The following ARHGEF28 variants were observed in gnomAD, a reference collection of about 807,000 sequenced individuals.
ARHGEF28 encodes 190 kDa guanine nucleotide exchange factor.
In ARHGEF28, 152 loss-of-function variants were observed where a neutral mutation model predicts 206.6. That is an observed-to-expected ratio of 0.74 (90% CI 0.64 to 0.84). ARHGEF28 has a LOEUF of 0.84. ARHGEF28 is among the 40% of genes least tolerant of loss of function. The pLI is 0.00. For missense variants in ARHGEF28, 2,028 were observed against 2,073.2 expected (o/e 0.98, Z 0.42); for synonymous variants, 763 against 776.4 (o/e 0.98, Z 0.29).
rs1053282629 is a variant in ARHGEF28, at chr5:73,852,710, A to G, written c.1790+18A>G. 6.2e-7 allele frequency: 1 copy of G among 1,612,174 alleles called. No individual in the cohort carries two copies. The highest frequency in any genetic ancestry group is 8.5e-7 in the Non-Finnish European group (1 of 1,178,414). On this transcript the variant is annotated intron_variant, in intron 14 of 35. Coordinates refer to ENST00000513042, the MANE Select transcript of ARHGEF28 (RefSeq NM_001177693.2). ...GAAAACAGGTACTTTTAACTATTCC[A>G]ATTTTCCTGAGGAACTGCATGATCC...
intron 25 of ARHGEF28, 114 bp from the exon 26 acceptor site, chr5:73,887,488 CA>C: frequency 1.3e-6 from 1 of 751,368 alleles, no homozygotes; most frequent in Non-Finnish European, 2.1e-6. Context: ...TATCATAATA[CA>C]GGTATTTTTA....
At chr5:73,702,731 TC>T (rs1748677952) in intron 2 of ARHGEF28, among the ~76,000 whole-genome samples, 1 of 152,190 alleles carries the variant, frequency 6.6e-6, no homozygotes, top group South Asian at 2.1e-4. Flanking sequence ...ATAATAGCCA[TC>T]CTGCTGAGTA....
chr5:73,867,673 C>A (rs1008528955), intron 18 of ARHGEF28, among the ~76,000 whole-genome samples: 4 of 152,260 alleles, frequency 2.6e-5, no homozygotes, highest in African/African-American at 7.2e-5. Flanking sequence ...AGCAGGCCTG[C>A]AGCATGGGTG....
intron 9 of ARHGEF28, among the ~76,000 whole-genome samples, chr5:73,809,467 C>T (rs1580648093): frequency 6.6e-6 from 1 of 152,126 alleles, no homozygotes. Flanking sequence ...TTATTTGAAC[C>T]CGGATATCTG....
intron 2 of ARHGEF28, among the ~76,000 whole-genome samples, chr5:73,699,715 G>A (rs553302797): frequency 6.6e-6 from 1 of 152,306 alleles, no homozygotes; most frequent in East Asian, 1.9e-4. Context: ...TATGGCTGTG[G>A]TTATTGAAAG....
rs1360282266 is a variant in ARHGEF28 at position 73,898,010 on chromosome 5, G to A, written c.3890G>A (p.Ser1297Asn). The A allele has an allele frequency of 2.5e-6, 4 of 1,605,824 alleles. No individual in the cohort carries two copies. The highest frequency in any genetic ancestry group is 3.4e-6 in the Non-Finnish European group (4 of 1,175,944). The change falls in exon 30 of 36, where the codon AGT becomes AAT. Residue 1297 changes from serine (S) to asparagine (N), a missense_variant. This residue lies in a region of ARHGEF28 where 803 missense variants were observed against 768.0 expected (regional missense o/e 1.05). Transcript: ENST00000513042. ...AAGGCCTCACAGATGGGCGCCGTGA[G>A]TCAATCATGTGAGGACAGTTGTGGA... ...AVKASQMGAV[S>N]QSCEDSCGDS...
intron 10 of ARHGEF28, among the ~76,000 whole-genome samples, chr5:73,837,611 A>G (rs1055868071): frequency 3.9e-5 from 6 of 151,928 alleles, no homozygotes; most frequent in African/African-American, 1.4e-4. Flanking sequence ...TTATGCTTTT[A>G]TATGTTCTCA....
intron 9 of ARHGEF28, among the ~76,000 whole-genome samples, chr5:73,815,448 C>A (rs905929729): frequency 6.6e-6 from 1 of 152,056 alleles, no homozygotes; most frequent in African/African-American, 2.4e-5. Flanking sequence ...AGGAGATACA[C>A]AAAGTCATTA....
chr5:73,857,510 C>T, intron 14 of ARHGEF28, 146 bp from the exon 15 acceptor site: 1 of 735,580 alleles, frequency 1.4e-6, no homozygotes, highest in Non-Finnish European at 2.1e-6. Flanking sequence ...AATTGTTTTT[C>T]TCTTTAGAAC....
chr5:73,749,748 C>A, intron 2 of ARHGEF28, 89 bp from the exon 3 acceptor site: 1 of 1,417,462 alleles, frequency 7.1e-7, no homozygotes, highest in Non-Finnish European at 9.7e-7. Flanking sequence ...TAACAAATGA[C>A]ACTGTTATGG....
chr5:73,679,640 C>T (rs1044689016), intron 1 of ARHGEF28, among the ~76,000 whole-genome samples: 1 of 148,952 alleles, frequency 6.7e-6, no homozygotes, highest in African/African-American at 2.5e-5. Context: ...TTTTGAAATA[C>T]ATTTTCTCTT....
At chr5:73,936,776 C>A (rs1764445799) in intron 35 of ARHGEF28, among the ~76,000 whole-genome samples, 1 of 152,132 alleles carries the variant, frequency 6.6e-6, no homozygotes, top group Admixed American at 6.5e-5. Flanking sequence ...CTATGTTGCC[C>A]AGGCTGGTCT....
intron 4 of ARHGEF28, among the ~76,000 whole-genome samples, chr5:73,764,507 G>A (rs1752789935): frequency 6.6e-6 from 1 of 152,210 alleles, no homozygotes; most frequent in African/African-American, 2.4e-5. Flanking sequence ...ACAGCACTAT[G>A]TGAATTTTCT....
At chr5:73,716,972 C>T (rs2112320956) in intron 2 of ARHGEF28, among the ~76,000 whole-genome samples, 1 of 152,146 alleles carries the variant, frequency 6.6e-6, no homozygotes, top group Non-Finnish European at 1.5e-5. Flanking sequence ...AAGGATACTG[C>T]TGCTTTTAGA....
chr5:73,909,475 G>A lies in ARHGEF28; in HGVS notation c.4225G>A (p.Gly1409Ser). The change falls in exon 34 of 36, where the codon GGC (glycine) becomes AGC (serine). Residue 1409 changes from glycine (G) to serine (S), a missense_variant. This residue lies in a region of ARHGEF28 where 803 missense variants were observed against 768.0 expected (regional missense o/e 1.05). Coordinates refer to ENST00000513042, the MANE Select transcript of ARHGEF28 (RefSeq NM_001177693.2). The stretch of plus-strand genomic sequence containing the variant: ...CAGGCTGGTTCTCCAGCAGCAGGAG[G>A]GCCTGTCTCTCGGCCACTCTATCCT... The part of the protein sequence containing the change: ...IHRLVLQQQE[G>S]LSLGHSILRG... The A allele has an allele frequency of 1.2e-6, 2 of 1,612,950 alleles. No homozygotes were observed. Among genetic ancestry groups the A allele is most frequent in the Non-Finnish European group, 8.5e-7 (1 of 1,179,686 alleles).
intron 2 of ARHGEF28, among the ~76,000 whole-genome samples, chr5:73,715,000 A>C (rs1403553369): frequency 1.3e-5 from 2 of 152,248 alleles, no homozygotes; most frequent in Non-Finnish European, 2.9e-5. Flanking sequence ...TATCTTTATC[A>C]ACAAATATAT....
chr5:73,760,031 T>C (rs1008288292), intron 4 of ARHGEF28, among the ~76,000 whole-genome samples: 2 of 152,184 alleles, frequency 1.3e-5, no homozygotes, highest in Non-Finnish European at 2.9e-5. Context: ...GCTGTAGATA[T>C]AGAAAGAAAA....
intron 4 of ARHGEF28, among the ~76,000 whole-genome samples, chr5:73,770,478 G>A (rs755700567): frequency 1.3e-5 from 2 of 152,136 alleles, no homozygotes; most frequent in Non-Finnish European, 2.9e-5. Context: ...ATTCTGCATT[G>A]GTTACATTAG....
chr5:73,870,344 T>G (rs754944953), intron 21 of ARHGEF28, 135 bp downstream of exon 21: 10 of 1,103,138 alleles, frequency 9.1e-6, no homozygotes, highest in Non-Finnish European at 1.3e-5. Context: ...GACAAATTAT[T>G]TAGATCACCT....
Sources: gnomAD v4.1 joint callset for allele counts (sites outside exome capture counted in the v4.1 genomes callset) on GRCh38, gnomAD v4.1.1 for gene constraint, gnomAD v4.1.1 regional missense constraint, MANE v1.5 for transcripts, NCBI Gene and HGNC (gene_info 2026-07-23, HGNC 2026-07-21) for gene names.